ADAMTS20: variants seen among roughly 807,000 people sequenced by gnomAD.
ADAMTS20 encodes ADAM metallopeptidase with thrombospondin type 1 motif 20.
In ADAMTS20, 225 loss-of-function variants were observed where a neutral mutation model predicts 260.1. That is an observed-to-expected ratio of 0.87 (90% CI 0.78 to 0.97). The LOEUF (loss-of-function observed/expected upper bound fraction) is 0.97. ADAMTS20 is among the 50% of genes least tolerant of loss of function. The pLI is 0.00. For synonymous variants in ADAMTS20, 802 were observed against 769.5 expected (o/e 1.04, Z -0.70); for missense variants, 2,400 against 2,337.7 (o/e 1.03, Z -0.55).
chr12:43,483,849 G>A (rs548949089), intron 7 of ADAMTS20, among the ~76,000 whole-genome samples: 3 of 152,220 alleles, frequency 2.0e-5, no homozygotes, highest in East Asian at 1.9e-4. Flanking sequence ...CATGGGTACC[G>A]CTTACTGGCC....
chr12:43,395,677 CTTTT>C (rs5797860), intron 29 of ADAMTS20, among the ~76,000 whole-genome samples: 5 of 90,826 alleles, frequency 5.5e-5, no homozygotes, highest in East Asian at 8.1e-4. Context: ...GTGTGAGATT[CTTTT>C]TTTTTTTTTT....
At chr12:43,468,516 A>G (rs1287314628) in intron 8 of ADAMTS20, 84 bp downstream of exon 8, 1 of 848,572 alleles carries the variant, frequency 1.2e-6, no homozygotes, top group Non-Finnish European at 1.9e-6. Context: ...AAAGGTACTA[A>G]TTACTCAACT....
intron 4 of ADAMTS20, among the ~76,000 whole-genome samples, chr12:43,497,912 A>G (rs1474936359): frequency 6.6e-6 from 1 of 152,140 alleles, no homozygotes; most frequent in African/African-American, 2.4e-5. Context: ...GGAAGTCTTT[A>G]ATACTTAGTA....
chr12:43,451,035 C>T (rs1565554632), intron 14 of ADAMTS20, among the ~76,000 whole-genome samples: 1 of 152,260 alleles, frequency 6.6e-6, no homozygotes, highest in East Asian at 1.9e-4. Flanking sequence ...AACTAAGTGT[C>T]CATCAGTGGA....
intron 3 of ADAMTS20, among the ~76,000 whole-genome samples, chr12:43,508,910 C>G (rs187083259): frequency 6.6e-5 from 10 of 152,278 alleles, no homozygotes; most frequent in Admixed American, 2.0e-4. Context: ...TCTCCCTCCC[C>G]CAACCCTGAC....
chr12:43,429,491 C>G (rs527678165), intron 24 of ADAMTS20, 126 bp downstream of exon 24: 2 of 665,096 alleles, frequency 3.0e-6, no homozygotes, highest in East Asian at 2.8e-5. Flanking sequence ...AAACCCTATA[C>G]TTCTTTGATG....
rs866923478 is a variant in ADAMTS20, at chr12:43,375,566, T to C, written c.5313-54A>G. 4.4e-6 allele frequency: 7 copies of C among 1,583,108 alleles called. No homozygotes were observed. The Middle Eastern group carries it at 8.6e-4, about 195-fold the overall frequency. ...TAGATGCAGTTACGAGGCCATAATG[T>C]AGACAAACTTTGGGAGTAGAAAAAT... is the stretch of plus-strand genomic sequence containing the variant. On this transcript the variant is annotated intron_variant, in intron 35 of 38. Transcript: ENST00000389420.
At chr12:43,367,250 AT>A (rs1201726949) in intron 37 of ADAMTS20, among the ~76,000 whole-genome samples, 7 of 152,044 alleles carry the variant, frequency 4.6e-5, no homozygotes, top group South Asian at 2.1e-4. Flanking sequence ...AAGAAAAAAA[AT>A]GATACAACAA....
At chr12:43,447,731 T>C (rs1032665302) in intron 14 of ADAMTS20, among the ~76,000 whole-genome samples, 2 of 152,100 alleles carry the variant, frequency 1.3e-5, no homozygotes, top group Admixed American at 6.6e-5. Context: ...TGATTATATA[T>C]CTAGAAAACT....
intron 28 of ADAMTS20, among the ~76,000 whole-genome samples, chr12:43,420,876 C>T (rs1301032911): frequency 2.2e-5 from 3 of 138,396 alleles, no homozygotes; most frequent in Admixed American, 7.9e-5. Context: ...GGCACCATCT[C>T]GGCTCATTGC....
intron 10 of ADAMTS20, among the ~76,000 whole-genome samples, chr12:43,464,216 T>C (rs1386918983): frequency 6.6e-6 from 1 of 152,100 alleles, no homozygotes; most frequent in Non-Finnish European, 1.5e-5. Context: ...TTAGTTAGAT[T>C]CCTGGTGCCT....
At chr12:43,421,406 T>C (rs1172832963) in intron 28 of ADAMTS20, among the ~76,000 whole-genome samples, 1 of 151,868 alleles carries the variant, frequency 6.6e-6, no homozygotes, top group Non-Finnish European at 1.5e-5. Context: ...GCACACTGAA[T>C]ACACACTATT....
chr12:43,371,653 G>A (rs1940109521), intron 36 of ADAMTS20, among the ~76,000 whole-genome samples: 1 of 152,122 alleles, frequency 6.6e-6, no homozygotes, highest in Non-Finnish European at 1.5e-5. Context: ...CCCGGCAGAT[G>A]GAACAGTAAG....
Position 43,551,353 on chromosome 12 carries a change from C to T in ADAMTS20, c.92-83G>A, listed in dbSNP as rs1943514096. ...AAACTTCTTCCACCAAACGTCCCCG[C>T]TAAAGGTCCCAGGTCCCAGTACAGC... On this transcript the variant is annotated intron_variant, in intron 1 of 38. Transcript: ENST00000389420. The surrounding 1 kb of genome is among the most constrained non-coding windows in gnomAD (Gnocchi z 4.6). The T allele has an allele frequency of 5.3e-6, 8 of 1,518,966 alleles. No individual in the cohort carries two copies. Among genetic ancestry groups the T allele is most frequent in the Non-Finnish European group, 5.3e-6 (6 of 1,134,496 alleles). The allele number at this position is 1,518,966 out of a possible 1,614,324, so 94.1% of individuals were successfully genotyped here. A position where few individuals can be genotyped will look rare whatever the true frequency, so the allele number is the denominator to read the frequency against.
At chr12:43,430,574 CTTT>C in intron 22 of ADAMTS20, 103 bp from the exon 23 acceptor site, 2 of 1,085,862 alleles carry the variant, frequency 1.8e-6, no homozygotes, top group Non-Finnish European at 2.5e-6. Context: ...TTTTAATAAT[CTTT>C]TTATCAATCC....
At chr12:43,353,643 A>C (rs182217334), downstream of ADAMTS20, among the ~76,000 whole-genome samples, 152 of 152,200 alleles carry the variant, frequency 1.0e-3, 1 homozygote, top group Middle Eastern at 3.4e-3. Context: ...CATAATCCAC[A>C]AGCAAAAATT....
chr12:43,452,459 T>C (rs766121264), intron 13 of ADAMTS20, 49 bp from the exon 14 acceptor site: 1 of 1,604,664 alleles, frequency 6.2e-7, no homozygotes, highest in South Asian at 1.1e-5. Flanking sequence ...AATAAAGCTA[T>C]GTGTTCTTAC....
chr12:43,535,434 G>GA (rs1261710188), intron 2 of ADAMTS20, among the ~76,000 whole-genome samples: 3 of 151,670 alleles, frequency 2.0e-5, no homozygotes, highest in Non-Finnish European at 4.4e-5. Flanking sequence ...ACTTGGGTGA[G>GA]AAAAAAAATT....
At chr12:43,382,404 C>G (rs1450591394) in intron 31 of ADAMTS20, among the ~76,000 whole-genome samples, 1 of 152,068 alleles carries the variant, frequency 6.6e-6, no homozygotes, top group Non-Finnish European at 1.5e-5. Flanking sequence ...TGGTATGATT[C>G]CATTTATACC....
Sources: allele counts gnomAD v4.1 joint callset (sites outside exome capture counted in the v4.1 genomes callset), GRCh38; gene constraint gnomAD v4.1.1; non-coding constraint Gnocchi (gnomAD v3.1); transcripts MANE v1.5; gene names NCBI Gene and HGNC (gene_info 2026-07-23, HGNC 2026-07-21).